CEP295: variants seen among roughly 807,000 people sequenced by gnomAD.
CEP295 encodes the protein centrosomal protein of 295 kDa.
A neutral mutation model predicts 291.6 loss-of-function variants in CEP295; 190 were observed. The observed-to-expected ratio is 0.65, with a 90% confidence interval of 0.58 to 0.73. CEP295 has a LOEUF of 0.73. Ranked by LOEUF, CEP295 falls within the 30% of genes least tolerant of loss-of-function variation. The pLI is 0.00. For synonymous variants in CEP295, 993 were observed against 1,038.8 expected, an observed-to-expected ratio of 0.96 and a Z score of 0.85; for missense variants, 2,863 against 2,949.4, an observed-to-expected ratio of 0.97 and a Z score of 0.68.
At chr11:93,721,876 A>G (rs753665170) in intron 19 of CEP295, 78 bp from the exon 20 acceptor site, 2 of 926,194 alleles carry the variant, frequency 2.2e-6, no homozygotes, top group Non-Finnish European at 3.6e-6. Context: ...AGAAGTGACA[A>G]CTGCTGGGGT....
At chr11:93,724,155 T>C (rs1953963673) in intron 21 of CEP295, 99 bp from the exon 22 acceptor site, 1 of 1,129,990 alleles carries the variant, frequency 8.8e-7, no homozygotes, top group East Asian at 2.6e-5. Flanking sequence ...TAAGCGTTTA[T>C]GAATATGTTC....
chr11:93,671,642 A>G (rs1045168567), intron 5 of CEP295, among the ~76,000 whole-genome samples: 2 of 152,190 alleles, frequency 1.3e-5, no homozygotes, highest in Non-Finnish European at 2.9e-5. Context: ...ACCCAAGCCA[A>G]TAAAGGTGTT....
In CEP295 at chr11:93,703,223, C is replaced by T. The variant is rs574564172; in HGVS notation, c.5596+304C>T. Among the ~76,000 whole-genome samples the T allele has an allele frequency of 1.3e-3, 196 of 152,164 alleles. 1 individual carries two copies. The highest frequency in any genetic ancestry group is 4.4e-3 in the African/African-American group (184 of 41,528). ...AGGTGATCTGCCTGCTTCAGCCTCC[C>T]GACGTGCTAGGATTACAGGCGTGAG... On this transcript the variant is annotated intron_variant, in intron 17 of 29. Transcript: ENST00000325212.
intron 5 of CEP295, among the ~76,000 whole-genome samples, chr11:93,673,986 T>G (rs1950568931): frequency 6.6e-6 from 1 of 151,638 alleles, no homozygotes; most frequent in Admixed American, 6.6e-5. Context: ...AGATTCTTGC[T>G]CTGTCGCCCA....
At chr11:93,671,506 C>T (rs958989412) in intron 5 of CEP295, among the ~76,000 whole-genome samples, 6 of 152,198 alleles carry the variant, frequency 3.9e-5, no homozygotes, top group Admixed American at 3.9e-4. Context: ...TTAATTTACT[C>T]TGTCCCGTAT....
rs56047333 is a variant in CEP295, at chr11:93,703,837, C to T, written c.5596+918C>T. ...AGGCTGGAGTGCAGTGGCGCAATCT[C>T]GGCTCACTGCAAGCTCCGCCTCCCA... On this transcript the variant is annotated intron_variant, in intron 17 of 29. Coordinates refer to ENST00000325212, the MANE Select transcript of CEP295 (RefSeq NM_033395.2). Among the ~76,000 whole-genome samples the T allele has an allele frequency of 9.5e-5, 14 of 148,044 alleles. No homozygotes were observed. In the South Asian group the frequency reaches 1.1e-3, roughly 11 times the overall value.
intron 12 of CEP295, among the ~76,000 whole-genome samples, chr11:93,693,832 A>G (rs371733121): frequency 6.6e-5 from 10 of 152,394 alleles, no homozygotes; most frequent in African/African-American, 2.4e-4. Context: ...ACTTTCTGTG[A>G]TGATGGAAAT....
At chr11:93,708,539 T>TA (rs1365638402) in intron 18 of CEP295, among the ~76,000 whole-genome samples, 4 of 152,218 alleles carry the variant, frequency 2.6e-5, no homozygotes, top group African/African-American at 4.8e-5. Context: ...ACTTTTTTTT[T>TA]ATCCATTTGT....
In CEP295 at chr11:93,699,490, A is replaced by G; in HGVS notation, c.4578A>G (p.Gln1526=). ...KKAIRSIQEV[Q]EELLLQRLSE... ...CCATTCGATCTATACAGGAAGTCCA[A>G]GAAGAATTGCTTTTGCAAAGATTAA... Residue 1526 remains glutamine, a synonymous_variant, in exon 15 of 30, where the codon CAA becomes CAG. Coordinates refer to ENST00000325212, the MANE Select transcript of CEP295 (RefSeq NM_033395.2). 9 of 1,551,800 alleles carry G rather than the reference A, an allele frequency of 5.8e-6. No individual in the cohort carries two copies. Among genetic ancestry groups the G allele is most frequent in the Non-Finnish European group, 7.8e-6 (9 of 1,146,996 alleles).
intron 23 of CEP295, 25 bp from the exon 24 acceptor site, chr11:93,726,951 C>T: frequency 6.8e-7 from 1 of 1,465,560 alleles, no homozygotes; most frequent in African/African-American, 1.4e-5. Context: ...CGATGATTAA[C>T]TGATTTTTGA....
rs955511204 is a variant in CEP295, at chr11:93,698,123, C to T, written c.3211C>T (p.Leu1071Phe). Residue 1071 changes from leucine (L) to phenylalanine (F), a missense_variant, in exon 15 of 30, where the codon CTT becomes TTT. Leu to Phe is a conservative substitution (Grantham distance 22). Around this residue, in one of 3 missense-constraint regions of CEP295, gnomAD observed 2,295 missense variants for 2,335.7 expected, o/e 0.98. Transcript: ENST00000325212. ...ACAGTTGACTAAACAGAGGGATACT[C>T]TTCAGGCTAGGCATGAAGCTCAGGT... Reference protein sequence around the residue: ...QEQLTKQRDTLQARHEAQVEL... With the variant: ...QEQLTKQRDTFQARHEAQVEL... The T allele has an allele frequency of 6.4e-7, 1 of 1,552,074 alleles. No individual in the cohort carries two copies. Among genetic ancestry groups the T allele is most frequent in the African/African-American group, 1.4e-5 (1 of 73,048 alleles).
At chr11:93,679,260 T>C (rs1950847002) in intron 6 of CEP295, among the ~76,000 whole-genome samples, 152 bp from the exon 7 acceptor site, 1 of 152,228 alleles carries the variant, frequency 6.6e-6, no homozygotes, top group Non-Finnish European at 1.5e-5. Flanking sequence ...CTTTCATAGG[T>C]ACATGCCGTT....
Position 93,684,122 on chromosome 11 carries a change from A to G in CEP295, c.1108A>G (p.Thr370Ala), listed in dbSNP as rs1415642088. 6.4e-7 allele frequency: 1 copy of G among 1,550,770 alleles called. No individual in the cohort carries two copies. The highest frequency in any genetic ancestry group is 1.4e-5 in the African/African-American group (1 of 72,944). The change falls in exon 9 of 30, where the codon ACA becomes GCA. Residue 370 changes from threonine (T) to alanine (A), a missense_variant. Thr to Ala is a moderately conservative substitution (Grantham distance 58). Around this residue, in one of 3 missense-constraint regions of CEP295, gnomAD observed 554 missense variants for 576.0 expected, o/e 0.96. Transcript: ENST00000325212. ...AGAAGCTGAAATATGTTCTAGTGAA[A>G]CAGATGGTAAAAACCCTTCTGAGCT... ...VTEAEICSSE[T>A]DVPLVMKTQQ...
In CEP295 at chr11:93,699,694, G is replaced by T; in HGVS notation, c.4782G>T (p.Lys1594Asn). 1 of 1,551,542 alleles carries T rather than the reference G, an allele frequency of 6.4e-7. No individual in the cohort carries two copies. The highest frequency in any genetic ancestry group is 8.7e-7 in the Non-Finnish European group (1 of 1,147,034). Residue 1594 changes from lysine (K) to asparagine (N), a missense_variant, in exon 15 of 30, where the codon AAG (lysine) becomes AAT (asparagine). Lys to Asn is a moderately conservative substitution (Grantham distance 94). This residue lies in a region of CEP295 where 2,295 missense variants were observed against 2,335.7 expected (regional missense o/e 0.98). Transcript: ENST00000325212. ...RLQDRLLSLS[K>N]PILPQQDNMT... ...AGGATAGACTTTTGAGTTTATCAAA[G>T]CCTATTCTGCCTCAGCAAGATAATA...
chr11:93,665,945 G>A (rs1950190647), intron 1 of CEP295, among the ~76,000 whole-genome samples: 1 of 152,186 alleles, frequency 6.6e-6, no homozygotes, highest in African/African-American at 2.4e-5. Context: ...TGCTAGTTAT[G>A]AACAAGTTAT....
Position 93,667,815 on chromosome 11 carries a change from A to G in CEP295, c.309+8A>G. 2 of 1,535,448 alleles carry G rather than the reference A, an allele frequency of 1.3e-6. No homozygotes were observed. Reference sequence around the variant, plus strand: ...CGACAGGCCAAAGAAAATGTGAGTGAGATCTTATTTGACTACCCTGTTGTG... The same window carrying G: ...CGACAGGCCAAAGAAAATGTGAGTGGGATCTTATTTGACTACCCTGTTGTG... On this transcript the variant is annotated splice_region_variant and intron_variant, in intron 3 of 29. Transcript: ENST00000325212.
chr11:93,711,481 G>GTTTTGT (rs138472629), intron 18 of CEP295, among the ~76,000 whole-genome samples: 51,927 of 149,538 alleles, frequency 0.35, 9,553 homozygotes, highest in South Asian at 0.45. Context: ...TATTATTTCA[G>GTTTTGT]TTTTGTTTTT....
chr11:93,668,836 G>A lies in CEP295; in HGVS notation c.338G>A (p.Arg113Gln), dbSNP rs759891136. ...CCTGATTTGGATGCTTTGGCACAGCGGGCAGCAGAAAGGAAAAGAAAAGCA... is the reference window on the plus strand; with the variant it reads ...CCTGATTTGGATGCTTTGGCACAGCAGGCAGCAGAAAGGAAAAGAAAAGCA... ...NEPDLDALAQRAAERKRKADL... is the reference protein window; with the variant it reads ...NEPDLDALAQQAAERKRKADL... The change falls in exon 4 of 30, where the codon CGG becomes CAG. Residue 113 changes from arginine (R) to glutamine (Q), a missense_variant. Coordinates refer to ENST00000325212, the MANE Select transcript of CEP295 (RefSeq NM_033395.2). The A allele has an allele frequency of 3.6e-5, 55 of 1,527,374 alleles. No individual in the cohort carries two copies. Among genetic ancestry groups the A allele is most frequent in the South Asian group, 1.0e-4 (8 of 79,290 alleles). 94.6% of individuals were successfully genotyped at this position (1,527,374 alleles called of 1,614,324 possible). A position where few individuals can be genotyped will look rare whatever the true frequency, so the allele number is the denominator to read the frequency against.
chr11:93,662,080 G>A (rs1366951663), intron 1 of CEP295, among the ~76,000 whole-genome samples: 1 of 152,204 alleles, frequency 6.6e-6, no homozygotes, highest in Non-Finnish European at 1.5e-5. Flanking sequence ...CGTGTCGGGG[G>A]AGGGGCGCTT....
Sources: gnomAD v4.1 joint callset for allele counts (sites outside exome capture counted in the v4.1 genomes callset) on GRCh38, gnomAD v4.1.1 for gene constraint, gnomAD v4.1.1 regional missense constraint, MANE v1.5 for transcripts, NCBI Gene and HGNC (gene_info 2026-07-23, HGNC 2026-07-21) for gene names.